Variants in CFAP36 observed in about 807,000 individuals in gnomAD.
CFAP36 encodes the protein cilia- and flagella-associated protein 36.
CFAP36 carries 37 observed loss-of-function variants against 50.5 expected under a neutral mutation model. That is an observed-to-expected ratio of 0.73 (90% confidence interval 0.56 to 0.96). CFAP36 has a LOEUF of 0.96. Ranked by LOEUF, CFAP36 falls within the 50% of genes least tolerant of loss-of-function variation. The probability of loss-of-function intolerance (pLI) is 0.00; values close to 1 mark genes in which losing one functional copy is unlikely to be tolerated. For synonymous variants in CFAP36, 138 were observed against 128.2 expected (o/e 1.08, Z -0.52); for missense variants, 407 against 396.2 (o/e 1.03, Z -0.23).
chr2:55,544,455 A>C (rs1446716982), intron 9 of CFAP36, 86 bp downstream of exon 9: 5 of 1,433,636 alleles, frequency 3.5e-6, no homozygotes, highest in Non-Finnish European at 4.7e-6. Context: ...GCCTCTAATA[A>C]ATTTTGCTTG....
chr2:55,526,488 C>A (rs529961073), intron 3 of CFAP36, among the ~76,000 whole-genome samples: 1 of 152,290 alleles, frequency 6.6e-6, no homozygotes, highest in South Asian at 2.1e-4. Context: ...GCCACCCTGG[C>A]TGGACTGCAG....
At chr2:55,528,595 C>A (rs1684271029) in intron 3 of CFAP36, among the ~76,000 whole-genome samples, 1 of 151,982 alleles carries the variant, frequency 6.6e-6, no homozygotes, top group African/African-American at 2.4e-5. Context: ...GGGGTTTCAC[C>A]ATGTTGGCTA....
chr2:55,529,450 G>T (rs62165179), intron 4 of CFAP36, among the ~76,000 whole-genome samples: 2,490 of 151,820 alleles, frequency 0.016, 41 homozygotes, highest in Middle Eastern at 0.045. Flanking sequence ...TAAACTTCCT[G>T]ATTTGTATTT....
intron 7 of CFAP36, 28 bp downstream of exon 7, chr2:55,537,613 C>T (rs1684525096): frequency 7.4e-7 from 1 of 1,351,574 alleles, no homozygotes. Context: ...TGAACTTTCT[C>T]TAATAATATG....
intron 6 of CFAP36, among the ~76,000 whole-genome samples, chr2:55,537,229 A>G (rs1213325175): frequency 6.6e-6 from 1 of 152,076 alleles, no homozygotes; most frequent in Non-Finnish European, 1.5e-5. Context: ...CAATTAGCCG[A>G]GCGTGGTAGT....
At chr2:55,539,554 G>A (rs927502132) in intron 7 of CFAP36, 2 of 152,112 alleles carry the variant, frequency 1.3e-5, no homozygotes, top group African/African-American at 4.8e-5. Flanking sequence ...TCCAAGTTTT[G>A]ACAATTATGA....
chr2:55,540,553 A>G (rs541098074), intron 7 of CFAP36, among the ~76,000 whole-genome samples: 14 of 152,268 alleles, frequency 9.2e-5, no homozygotes, highest in African/African-American at 2.4e-4. Flanking sequence ...TTGTTCTTCA[A>G]TATTGTGTTG....
intron 3 of CFAP36, 91 bp downstream of exon 3, chr2:55,523,913 G>T (rs778661819): frequency 2.5e-6 from 2 of 796,012 alleles, no homozygotes; most frequent in African/African-American, 1.7e-5. Context: ...GATTGACAAA[G>T]TGTAATATTT....
chr2:55,528,220 A>G (rs1684260466), intron 3 of CFAP36, among the ~76,000 whole-genome samples: 1 of 149,578 alleles, frequency 6.7e-6, no homozygotes, highest in African/African-American at 2.5e-5. Flanking sequence ...TCATAGAATA[A>G]TCATAAAGTA....
chr2:55,542,805 G>T (rs12617627), intron 7 of CFAP36, among the ~76,000 whole-genome samples: 21 of 152,030 alleles, frequency 1.4e-4, no homozygotes, highest in African/African-American at 4.6e-4. Context: ...GTCACTCTCA[G>T]TAATAACAGC....
chr2:55,520,880 A>C (rs532290917), intron 1 of CFAP36, among the ~76,000 whole-genome samples: 3 of 152,340 alleles, frequency 2.0e-5, no homozygotes, highest in African/African-American at 7.2e-5. Flanking sequence ...GAATGTATCC[A>C]AGATGAGTTA....
In CFAP36 at chr2:55,544,991, G is replaced by A; in HGVS notation, c.1012G>A (p.Glu338Lys). 6.3e-7 allele frequency: 1 copy of A among 1,578,708 alleles called. No individual in the cohort carries two copies. The highest frequency in any genetic ancestry group is 1.2e-5 in the South Asian group (1 of 86,698). Residue 338 changes from glutamate (E) to lysine (K), a missense_variant, in exon 10 of 10, where the codon GAA becomes AAA. By Grantham distance (56) the Glu-to-Lys change is moderately conservative. Transcript: ENST00000349456. ...RRLLAEKLKE[E>K]VINK ...ATTGCTTGCAGAGAAACTCAAAGAA[G>A]AAGTTATTAATAAGTAATAATTAAG...
At chr2:55,530,991 T>G (rs895098358) in intron 4 of CFAP36, 8 of 152,186 alleles carry the variant, frequency 5.3e-5, no homozygotes, top group African/African-American at 1.9e-4. Flanking sequence ...TCCTCCTCAT[T>G]TGACTGATGT....
At chr2:55,527,053 TTTAAA>T (rs1684227375) in intron 3 of CFAP36, among the ~76,000 whole-genome samples, 1 of 151,846 alleles carries the variant, frequency 6.6e-6, no homozygotes. Context: ...AATAAAATAA[TTTAAA>T]TGTTATTGGT....
chr2:55,543,230 T>C lies in CFAP36; in HGVS notation c.641-708T>C, dbSNP rs986795296. ...ATAGCCCATGTATTTACACTGAAAA[T>C]GTTTTATCTTTTTAAAAACAATCAC... On this transcript the variant is annotated intron_variant, in intron 7 of 9. Transcript: ENST00000349456. Among the ~76,000 whole-genome samples, 9 of 152,266 alleles carry C rather than the reference T, an allele frequency of 5.9e-5. No individual in the cohort carries two copies. The East Asian group carries it at 1.7e-3, about 29-fold the overall frequency.
In CFAP36 at chr2:55,541,082, G is replaced by A. The variant is rs1016323493; in HGVS notation, c.641-2856G>A. On this transcript the variant is annotated intron_variant, in intron 7 of 9. Transcript: ENST00000349456. ...CTCACACCTGTCATCCCAGCAATTT[G>A]GGAGGCCGAGGTGGTGGATCACTTG... Among the ~76,000 whole-genome samples, 7 of 152,154 alleles carry A rather than the reference G, an allele frequency of 4.6e-5. No individual in the cohort carries two copies. In the South Asian group the frequency reaches 1.4e-3, roughly 31 times the overall value.
chr2:55,536,191 G>A (rs1684482945), intron 6 of CFAP36, among the ~76,000 whole-genome samples: 1 of 149,916 alleles, frequency 6.7e-6, no homozygotes, highest in African/African-American at 2.5e-5. Flanking sequence ...GGAGTGCAGT[G>A]GTGTGATCTT....
At chr2:55,538,504 G>C (rs987075874) in intron 7 of CFAP36, among the ~76,000 whole-genome samples, 1 of 151,934 alleles carries the variant, frequency 6.6e-6, no homozygotes, top group African/African-American at 2.4e-5. Flanking sequence ...ATGTTGGTCA[G>C]GCTGGTCTCG....
In CFAP36 at chr2:55,544,085, GACATCACTTA is replaced by G. The variant is rs775871264; in HGVS notation, c.777+13_777+22del. ...GAAGGACCAATAGCAGTAAGTAAAC[GACATCACTTA>G]AGAACTATAAGCAAAATGACAAGGT... is the stretch of plus-strand genomic sequence containing the variant. On this transcript the variant is annotated intron_variant, in intron 8 of 9. Coordinates refer to ENST00000349456, the MANE Select transcript of CFAP36 (RefSeq NM_080667.7). The G allele has an allele frequency of 1.9e-6, 3 of 1,613,180 alleles. No individual in the cohort carries two copies. Among genetic ancestry groups the G allele is most frequent in the Non-Finnish European group, 2.5e-6 (3 of 1,179,742 alleles).
Sources: gnomAD v4.1 joint callset for allele counts (sites outside exome capture counted in the v4.1 genomes callset) on GRCh38, gnomAD v4.1.1 for gene constraint, MANE v1.5 for transcripts, NCBI Gene and HGNC (gene_info 2026-07-23, HGNC 2026-07-21) for gene names.